The following SNX4 variants were observed in gnomAD, a reference collection of about 807,000 sequenced individuals.
The protein encoded by SNX4 is sorting nexin-4.
A neutral mutation model predicts 70.8 loss-of-function variants in SNX4; 49 were observed. That is an observed-to-expected ratio of 0.69 (90% CI 0.55 to 0.88). SNX4 has a LOEUF of 0.88. Ranked by LOEUF, SNX4 falls within the 40% of genes least tolerant of loss-of-function variation. SNX4 has a pLI of 0.00. For synonymous variants in SNX4, 206 were observed against 183.8 expected (o/e 1.12, Z -0.98); for missense variants, 528 against 544.8 (o/e 0.97, Z 0.31).
At chr3:125,513,570 C>A (rs184871881) in intron 1 of SNX4, among the ~76,000 whole-genome samples, 1 of 152,248 alleles carries the variant, frequency 6.6e-6, no homozygotes, top group Non-Finnish European at 1.5e-5. Flanking sequence ...GCTAAATGTA[C>A]AAACACTGAA....
chr3:125,515,066 A>G (rs555781495), intron 1 of SNX4, among the ~76,000 whole-genome samples: 1 of 152,344 alleles, frequency 6.6e-6, no homozygotes, highest in South Asian at 2.1e-4. Flanking sequence ...ATATTAAAGT[A>G]TGTGTACGCT....
At chr3:125,508,427 C>G (rs570203391) in intron 1 of SNX4, among the ~76,000 whole-genome samples, 1 of 151,322 alleles carries the variant, frequency 6.6e-6, no homozygotes, top group East Asian at 2.0e-4. Context: ...ATTAGCCGGG[C>G]GTGGTGGCAG....
intron 5 of SNX4, among the ~76,000 whole-genome samples, chr3:125,496,741 C>A (rs1322713109): frequency 6.6e-6 from 1 of 152,126 alleles, no homozygotes; most frequent in South Asian, 2.1e-4. Context: ...CATTCCCAAA[C>A]ACTAATTCTA....
At chr3:125,497,479 C>T in intron 4 of SNX4, 91 bp from the exon 5 acceptor site, 1 of 878,300 alleles carries the variant, frequency 1.1e-6, no homozygotes, top group South Asian at 1.5e-5. Context: ...GTTCTTACTT[C>T]AGCAGGAATT....
rs746009866 is a variant in SNX4, at chr3:125,520,133, G to A, written c.40C>T (p.Pro14Ser). 6.2e-6 allele frequency: 9 copies of A among 1,461,530 alleles called. No homozygotes were observed. In the East Asian group the frequency reaches 1.5e-4, roughly 24 times the overall value. The allele number at this position is 1,461,530 out of a possible 1,614,324, so 90.5% of individuals were successfully genotyped here. Residue 14 changes from proline (P) to serine (S), a missense_variant, in exon 1 of 14, where the codon CCG (proline) becomes TCG (serine). Physicochemically the swap from Pro to Ser is moderately conservative, Grantham distance 74. Transcript: ENST00000251775. Reference sequence around the variant, plus strand: ...GAGCCCAGCGGCTCCAAGGGCGCCGGCTGGAGCTGCCGCTCGGGGTCCGGA... The same window carrying A: ...GAGCCCAGCGGCTCCAAGGGCGCCGACTGGAGCTGCCGCTCGGGGTCCGGA... ...APPDPERQLQPAPLEPLGSPD... is the reference protein window; with the variant it reads ...APPDPERQLQSAPLEPLGSPD...
chr3:125,462,360 G>T (rs1933903528), intron 9 of SNX4, among the ~76,000 whole-genome samples: 1 of 152,006 alleles, frequency 6.6e-6, no homozygotes, highest in Non-Finnish European at 1.5e-5. Context: ...GCTGTAACTG[G>T]AGATTGTACA....
At chr3:125,501,001 A>G (rs895295098) in intron 2 of SNX4, among the ~76,000 whole-genome samples, 4 of 152,044 alleles carry the variant, frequency 2.6e-5, no homozygotes, top group African/African-American at 9.7e-5. Flanking sequence ...GGTAAGCTAC[A>G]TGACAGAAGT....
intron 1 of SNX4, among the ~76,000 whole-genome samples, chr3:125,507,140 G>A (rs958892981): frequency 8.0e-5 from 12 of 149,488 alleles, no homozygotes; most frequent in East Asian, 7.8e-4. Context: ...CCCAGGAGGC[G>A]GAGGTTGCAG....
chr3:125,498,230 T>A (rs746675678), intron 2 of SNX4, 36 bp from the exon 3 acceptor site: 1 of 1,565,502 alleles, frequency 6.4e-7, no homozygotes, highest in Non-Finnish European at 8.7e-7. Flanking sequence ...TTATTTTTTA[T>A]AAACAAAAAT....
intron 6 of SNX4, among the ~76,000 whole-genome samples, chr3:125,486,935 A>G (rs376433888): frequency 2.0e-5 from 3 of 152,152 alleles, no homozygotes; most frequent in Non-Finnish European, 4.4e-5. Flanking sequence ...ATGCAATCCA[A>G]TATGCAAAAG....
Position 125,469,480 on chromosome 3 carries a change from C to G in SNX4, c.828G>C (p.Leu276=). 6.2e-7 allele frequency: 1 copy of G among 1,613,738 alleles called. No individual in the cohort carries two copies. Among genetic ancestry groups the G allele is most frequent in the Non-Finnish European group, 8.5e-7 (1 of 1,179,692 alleles). The change falls in exon 9 of 14, where the codon CTG becomes CTC. Residue 276 remains leucine, a synonymous_variant. Coordinates refer to ENST00000251775, the MANE Select transcript of SNX4 (RefSeq NM_003794.4). ...CATCCATATGATGACCAGCACTCTGCAGTCCATCACCCATTTCTTTTTCTA... is the reference window on the plus strand; with the variant it reads ...CATCCATATGATGACCAGCACTCTGGAGTCCATCACCCATTTCTTTTTCTA... ...SAIEKEMGDG[L]QSAGHHMDVY...
rs149875399 is a variant in SNX4, at chr3:125,484,601, A to T, written c.654-4282T>A. 1.1e-4 allele frequency among the ~76,000 whole-genome samples: 16 copies of T among 152,316 alleles called. 1 individual carries two copies. Among genetic ancestry groups the T allele is most frequent in the Middle Eastern group, 3.4e-3 (1 of 294 alleles). ...ATACTTTTAGTAAGTAAGCCTGGAC[A>T]GGTGCCTCTCCTAATCAGATGTCAT... is the stretch of plus-strand genomic sequence containing the variant. On this transcript the variant is annotated intron_variant, in intron 6 of 13. Coordinates refer to ENST00000251775, the MANE Select transcript of SNX4 (RefSeq NM_003794.4).
At chr3:125,492,762 C>T (rs775651634) in intron 5 of SNX4, among the ~76,000 whole-genome samples, 5 of 152,130 alleles carry the variant, frequency 3.3e-5, no homozygotes, top group African/African-American at 9.7e-5. Flanking sequence ...GTATCCACAA[C>T]GCTTAGAAGA....
intron 8 of SNX4, among the ~76,000 whole-genome samples, chr3:125,470,822 CG>C (rs1192604375): frequency 1.3e-5 from 2 of 152,024 alleles, no homozygotes; most frequent in Non-Finnish European, 2.9e-5. Flanking sequence ...TATTTCTGTA[CG>C]AGACTTTGTT....
chr3:125,497,863 C>G lies in SNX4; in HGVS notation c.520G>C (p.Asp174His). The G allele has an allele frequency of 6.2e-7, 1 of 1,609,744 alleles. No individual in the cohort carries two copies. Residue 174 changes from aspartate to histidine, a missense_variant, in exon 4 of 14, where the codon GAC becomes CAC. By Grantham distance (81) the Asp-to-His change is moderately conservative. Transcript: ENST00000251775. ...RIASHPILCR[D>H]KIFYLFLTQE... Reference sequence around the variant, plus strand: ...GTTAAAAACAGATAGAAGATTTTGTCTCTACAAAGGATGGGATGTGAAGCA... The same window carrying G: ...GTTAAAAACAGATAGAAGATTTTGTGTCTACAAAGGATGGGATGTGAAGCA...
In SNX4 at chr3:125,494,298, T is replaced by C. The variant is rs559926104; in HGVS notation, c.597+3043A>G. ...TAATTAATAAGCAAGAGAGGTAATA[T>C]GGGATGGTAATTAAGGAGGGCTTTC... On this transcript the variant is annotated intron_variant, in intron 5 of 13. Transcript: ENST00000251775. 5.3e-5 allele frequency among the ~76,000 whole-genome samples: 8 copies of C among 152,192 alleles called. 1 individual carries two copies. In the South Asian group the frequency reaches 1.7e-3, roughly 32 times the overall value.
At chr3:125,475,432 T>G (rs1397232122) in intron 8 of SNX4, among the ~76,000 whole-genome samples, 3 of 152,172 alleles carry the variant, frequency 2.0e-5, no homozygotes, top group Non-Finnish European at 2.9e-5. Context: ...TGGTGTGATC[T>G]CAGCTCACTG....
At chr3:125,459,386 T>C (rs561022784) in intron 10 of SNX4, among the ~76,000 whole-genome samples, 1 of 152,274 alleles carries the variant, frequency 6.6e-6, no homozygotes, top group South Asian at 2.1e-4. Flanking sequence ...CATGTCAACA[T>C]ACATTAATCC....
chr3:125,470,584 G>A (rs1418644860), intron 8 of SNX4, among the ~76,000 whole-genome samples: 5 of 150,554 alleles, frequency 3.3e-5, no homozygotes, highest in Non-Finnish European at 4.4e-5. Context: ...TCTAGAACTC[G>A]AACTGAAAAA....
Sources: gnomAD v4.1 joint callset for allele counts (sites outside exome capture counted in the v4.1 genomes callset) on GRCh38, gnomAD v4.1.1 for gene constraint, MANE v1.5 for transcripts, NCBI Gene and HGNC (gene_info 2026-07-23, HGNC 2026-07-21) for gene names.